Variants in PRKN observed in about 807,000 individuals in gnomAD.
The protein encoded by PRKN is E3 ubiquitin-protein ligase parkin.
A neutral mutation model predicts 59.5 loss-of-function variants in PRKN; 56 were observed. That is an observed-to-expected ratio of 0.94 (90% CI 0.76 to 1.18). PRKN has a LOEUF of 1.18. Ranked by LOEUF, PRKN falls within the 50% of genes most tolerant of loss-of-function variation. The pLI, the probability that PRKN is intolerant of heterozygous loss-of-function variation, is 0.00. For missense variants in PRKN, 657 were observed against 596.4 expected, an observed-to-expected ratio of 1.10 and a Z score of -1.06; for synonymous variants, 250 against 222.1, an observed-to-expected ratio of 1.13 and a Z score of -1.12.
At chr6:162,300,454 AG>A (rs1426162508) in intron 2 of PRKN, among the ~76,000 whole-genome samples, 1 of 152,118 alleles carries the variant, frequency 6.6e-6, no homozygotes, top group Non-Finnish European at 1.5e-5. Context: ...TGCTTATTTT[AG>A]GTCTCCTTAA....
intron 7 of PRKN, among the ~76,000 whole-genome samples, chr6:161,713,640 C>T (rs962340134): frequency 6.6e-6 from 1 of 152,148 alleles, no homozygotes; most frequent in Non-Finnish European, 1.5e-5. Flanking sequence ...ACACATTTTT[C>T]AACTGTTCCT....
At chr6:162,600,229 C>T (rs528928649) in intron 1 of PRKN, among the ~76,000 whole-genome samples, 93 of 152,204 alleles carry the variant, frequency 6.1e-4, no homozygotes, top group African/African-American at 2.1e-3. Flanking sequence ...CATGCCATCA[C>T]GTGGTATACT....
intron 1 of PRKN, among the ~76,000 whole-genome samples, chr6:162,455,627 G>A (rs1439371750): frequency 1.3e-5 from 2 of 152,132 alleles, no homozygotes; most frequent in Non-Finnish European, 2.9e-5. Context: ...GATATAAGAT[G>A]GCTATGGGGG....
intron 2 of PRKN, among the ~76,000 whole-genome samples, chr6:162,301,492 G>A (rs751020751): frequency 9.2e-5 from 14 of 152,150 alleles, no homozygotes; most frequent in Admixed American, 2.6e-4. Context: ...TGATTTTCTC[G>A]TGGCTCTGCA....
At chr6:162,259,961 T>TAAC (rs1425685181) in intron 3 of PRKN, among the ~76,000 whole-genome samples, 21 of 152,326 alleles carry the variant, frequency 1.4e-4, no homozygotes, top group African/African-American at 4.8e-4. Context: ...AGAGGATTAC[T>TAAC]TGTAGTTTAG....
At chr6:162,551,918 G>A (rs1779345546) in intron 1 of PRKN, among the ~76,000 whole-genome samples, 2 of 152,166 alleles carry the variant, frequency 1.3e-5, no homozygotes, top group East Asian at 1.9e-4. Flanking sequence ...AGGTAATACA[G>A]AAGCAAATAT....
At chr6:161,703,614 G>A (rs1320727930) in intron 7 of PRKN, among the ~76,000 whole-genome samples, 1 of 152,096 alleles carries the variant, frequency 6.6e-6, no homozygotes, top group Non-Finnish European at 1.5e-5. Context: ...GCCAGGCTTA[G>A]CTCTCATGTT....
rs1484496474 is a variant in PRKN, at chr6:161,695,980, A to G, written c.871+89792T>C. ...CTGAAGAAGTGTTTAAAAACAGGCC[A>G]TGCATTCTCATATCTGCATAGAACA... On this transcript the variant is annotated intron_variant, in intron 7 of 11. Coordinates refer to ENST00000366898, the MANE Select transcript of PRKN (RefSeq NM_004562.3). 5.9e-5 allele frequency among the ~76,000 whole-genome samples: 9 copies of G among 152,356 alleles called. 1 individual carries two copies. In the South Asian group the frequency reaches 1.7e-3, roughly 28 times the overall value.
intron 2 of PRKN, among the ~76,000 whole-genome samples, chr6:162,331,578 A>C (rs1229943588): frequency 6.6e-6 from 1 of 152,132 alleles, no homozygotes; most frequent in Non-Finnish European, 1.5e-5. Flanking sequence ...CCCCTTTCAA[A>C]ATGTGAGCTT....
chr6:162,305,026 C>A (rs1256692716), intron 2 of PRKN, among the ~76,000 whole-genome samples: 1 of 152,098 alleles, frequency 6.6e-6, no homozygotes, highest in South Asian at 2.1e-4. Flanking sequence ...AGATATGGAA[C>A]AACAAAGCCA....
At chr6:161,426,210 G>A (rs191681934) in intron 9 of PRKN, among the ~76,000 whole-genome samples, 106 of 152,230 alleles carry the variant, frequency 7.0e-4, no homozygotes, top group Non-Finnish European at 1.1e-3. Context: ...ATACCCAAAG[G>A]GGCGTGCTGA....
intron 1 of PRKN, chr6:162,569,133 C>A (rs562144433): frequency 3.2e-6 from 2 of 632,730 alleles, no homozygotes; most frequent in East Asian, 2.9e-5. Flanking sequence ...CAACCTCAGC[C>A]GGGCTGAGGC....
At chr6:161,826,336 A>G (rs1428060716) in intron 6 of PRKN, among the ~76,000 whole-genome samples, 1 of 152,230 alleles carries the variant, frequency 6.6e-6, no homozygotes, top group African/African-American at 2.4e-5. Flanking sequence ...ATGATAGCAT[A>G]AAAATGAGCT....
chr6:161,687,440 T>C (rs1164994225), intron 7 of PRKN, among the ~76,000 whole-genome samples: 24 of 142,632 alleles, frequency 1.7e-4, no homozygotes, highest in Admixed American at 6.9e-4. Flanking sequence ...CAAAATAAGA[T>C]ATATCTTTTT....
intron 1 of PRKN, among the ~76,000 whole-genome samples, chr6:162,589,664 T>C (rs59647340): frequency 0.013 from 1,981 of 152,312 alleles, 51 homozygotes; most frequent in African/African-American, 0.045. Context: ...CCTTCCCAGA[T>C]ACTCATAACA....
At chr6:161,953,524 C>T (rs760415819) in intron 6 of PRKN, among the ~76,000 whole-genome samples, 7 of 152,136 alleles carry the variant, frequency 4.6e-5, no homozygotes, top group South Asian at 2.1e-4. Flanking sequence ...CCAGGTTTAC[C>T]GGGAAATCAC....
intron 5 of PRKN, among the ~76,000 whole-genome samples, chr6:162,010,842 TAC>T (rs1276657498): frequency 1.4e-3 from 16 of 11,632 alleles, no homozygotes; most frequent in African/African-American, 0.013. Context: ...TATTATATAA[TAC>T]ATAATATTAA....
At chr6:162,213,798 A>C (rs1777511578) in intron 3 of PRKN, among the ~76,000 whole-genome samples, 1 of 141,758 alleles carries the variant, frequency 7.1e-6, no homozygotes, top group African/African-American at 2.6e-5. Context: ...TTCCAAAAAA[A>C]AACCATACAC....
At chr6:161,770,522 CA>C (rs1286235542) in intron 7 of PRKN, among the ~76,000 whole-genome samples, 3 of 152,050 alleles carry the variant, frequency 2.0e-5, no homozygotes, top group African/African-American at 7.2e-5. Flanking sequence ...GGCTGGAGTG[CA>C]ATGGTGCCGT....
Sources: allele counts gnomAD v4.1 joint callset (sites outside exome capture counted in the v4.1 genomes callset), GRCh38; gene constraint gnomAD v4.1.1; transcripts MANE v1.5; gene names NCBI Gene and HGNC (gene_info 2026-07-23, HGNC 2026-07-21).